Variants in BRD4 observed in about 807,000 individuals in gnomAD.
BRD4 encodes the protein bromodomain-containing protein 4.
Under a neutral mutation model 142.1 loss-of-function variants are expected in BRD4, and 16 were observed. The observed-to-expected ratio is 0.11, with a 90% CI of 0.08 to 0.17. The LOEUF is 0.17. Ranked by LOEUF, BRD4 falls within the 10% of genes least tolerant of loss-of-function variation. The pLI, the probability that BRD4 is intolerant of heterozygous loss-of-function variation, is 1.00. For missense variants in BRD4, 1,424 were observed against 1,810.9 expected (o/e 0.79, Z 3.88); for synonymous variants, 833 against 707.5 (o/e 1.18, Z -2.82).
intron 1 of BRD4, among the ~76,000 whole-genome samples, chr19:15,310,300 G>A (rs1255939699): frequency 1.8e-5 from 2 of 108,914 alleles, no homozygotes; most frequent in African/African-American, 3.6e-5. Context: ...TGCAACCTCC[G>A]CCTCCTGGGT....
At chr19:15,292,787 AAAAAAAAAAAAAAAAAAAAAAAAAAAAAG>A (rs2047793045) in intron 1 of BRD4, among the ~76,000 whole-genome samples, 1 of 22,270 alleles carries the variant, frequency 4.5e-5, no homozygotes, top group Admixed American at 5.1e-4. Context: ...CAAAAAAAAA[AAAAAAAAAAAAAAAAAAAAAAAAAAAAAG>A]AAAGAAAGAA....
intron 1 of BRD4, among the ~76,000 whole-genome samples, chr19:15,314,136 C>T (rs773727808): frequency 6.6e-6 from 1 of 152,186 alleles, no homozygotes; most frequent in Non-Finnish European, 1.5e-5. Context: ...CTTGAACTTT[C>T]GTTCGCACTT....
chr19:15,307,514 A>G (rs1030297388), intron 1 of BRD4, among the ~76,000 whole-genome samples: 6 of 152,200 alleles, frequency 3.9e-5, no homozygotes, highest in African/African-American at 1.2e-4. Flanking sequence ...TTCCATTTTC[A>G]GCAAGTTCTA....
rs2047608301 is a variant in BRD4, at chr19:15,273,148, A to C, written c.-34-15T>G. 1.3e-6 allele frequency: 2 copies of C among 1,535,764 alleles called. No homozygotes were observed. The highest frequency in any genetic ancestry group is 1.4e-5 in the African/African-American group (1 of 72,582). ...CACCAGGCACTCTACAAAGGAAGAG[A>C]AGAGCCCCCGTGAGATATCAGTCAG... is the stretch of plus-strand genomic sequence containing the variant. On this transcript the variant is annotated splice_polypyrimidine_tract_variant and intron_variant, in intron 1 of 19. Coordinates refer to ENST00000679869, the MANE Select transcript of BRD4 (RefSeq NM_001379291.1).
At chr19:15,240,567 A>G (rs1047826548) in intron 14 of BRD4, among the ~76,000 whole-genome samples, 3 of 152,156 alleles carry the variant, frequency 2.0e-5, no homozygotes, top group Non-Finnish European at 4.4e-5. Context: ...CACGGAAGAG[A>G]GAAGCCTGGA....
chr19:15,277,208 T>G (rs1257480479), intron 1 of BRD4, among the ~76,000 whole-genome samples: 1 of 152,202 alleles, frequency 6.6e-6, no homozygotes, highest in Admixed American at 6.5e-5. Context: ...TTGTTTCCAA[T>G]CCAAAGGCGG....
At chr19:15,323,293 C>G (rs1348230063) in intron 1 of BRD4, among the ~76,000 whole-genome samples, 1 of 150,068 alleles carries the variant, frequency 6.7e-6, no homozygotes, top group Non-Finnish European at 1.5e-5. Flanking sequence ...AAAACTGAGG[C>G]TAGAGTGGTT....
chr19:15,324,414 T>C (rs1426156689), intron 1 of BRD4, among the ~76,000 whole-genome samples: 1 of 152,234 alleles, frequency 6.6e-6, no homozygotes, highest in Non-Finnish European at 1.5e-5. Context: ...GCCTAGTAAG[T>C]AACTGGACTT....
In BRD4 at chr19:15,249,136, C is replaced by A. The variant is rs189968090; in HGVS notation, c.2159-4374G>T. The A allele has an allele frequency of 3.5e-6, 5 of 1,411,308 alleles. No individual in the cohort carries two copies. In the African/African-American group the frequency reaches 5.7e-5, roughly 16 times the overall value. The allele number at this position is 1,411,308 out of a possible 1,614,324, so 87.4% of individuals were successfully genotyped here. ...GCTGCTGGACATGACTAATCCACCC[C>A]GGGGGACAGGCCCAGGGCTCTGAGG... On this transcript the variant is annotated intron_variant, in intron 11 of 19. Coordinates refer to ENST00000679869, the MANE Select transcript of BRD4 (RefSeq NM_001379291.1).
intron 7 of BRD4, among the ~76,000 whole-genome samples, chr19:15,260,798 CA>C (rs34986127): frequency 0.27 from 20,863 of 77,796 alleles, 1,332 homozygotes; most frequent in South Asian, 0.35. Flanking sequence ...GAGAAAAATG[CA>C]AAAAAAAAAA....
intron 1 of BRD4, among the ~76,000 whole-genome samples, chr19:15,326,646 CA>C: frequency 6.6e-6 from 1 of 152,032 alleles, no homozygotes; most frequent in East Asian, 1.9e-4. Flanking sequence ...TTAAAATGAC[CA>C]TGCACTACTT....
chr19:15,263,646 G>A (rs895032654), intron 6 of BRD4, 98 bp from the exon 7 acceptor site: 13 of 1,501,806 alleles, frequency 8.7e-6, no homozygotes, highest in Non-Finnish European at 1.1e-5. Flanking sequence ...AGAGCAAGTT[G>A]GTTTCTTGGC....
At chr19:15,296,925 C>A (rs1157390988) in intron 1 of BRD4, among the ~76,000 whole-genome samples, 1 of 105,094 alleles carries the variant, frequency 9.5e-6, no homozygotes, top group Non-Finnish European at 2.2e-5. Context: ...ACGGCAGAAG[C>A]CCCCCCCACC....
At chr19:15,293,841 A>AT (rs987908942) in intron 1 of BRD4, among the ~76,000 whole-genome samples, 32 of 152,296 alleles carry the variant, frequency 2.1e-4, no homozygotes, top group Admixed American at 3.9e-4. Context: ...GGTAACCACT[A>AT]TTTTTTGTGT....
intron 1 of BRD4, among the ~76,000 whole-genome samples, chr19:15,326,504 A>C (rs1019833253): frequency 6.6e-5 from 10 of 152,154 alleles, no homozygotes; most frequent in African/African-American, 2.4e-4. Context: ...TAAAAATTAA[A>C]ATTAAAAACA....
intron 1 of BRD4, among the ~76,000 whole-genome samples, chr19:15,317,525 G>A (rs2048027179): frequency 6.6e-6 from 1 of 152,182 alleles, no homozygotes. Context: ...CCTATTCATA[G>A]GCAGCTATTT....
intron 7 of BRD4, among the ~76,000 whole-genome samples, chr19:15,262,615 C>T (rs2047485529): frequency 6.6e-6 from 1 of 151,170 alleles, no homozygotes; most frequent in Non-Finnish European, 1.5e-5. Flanking sequence ...CCTAGATACT[C>T]GGGAGGCTGA....
chr19:15,267,859 G>A (rs1207199659), intron 3 of BRD4, among the ~76,000 whole-genome samples: 1 of 152,128 alleles, frequency 6.6e-6, no homozygotes, highest in Non-Finnish European at 1.5e-5. Context: ...CACTGAAAGG[G>A]GCCCTCCTTT....
chr19:15,296,472 ATG>A (rs762326392), intron 1 of BRD4, among the ~76,000 whole-genome samples: 98 of 152,270 alleles, frequency 6.4e-4, no homozygotes, highest in Admixed American at 2.2e-3. Context: ...ACAGGCCTCA[ATG>A]TGTGTTTGAA....
Sources: gnomAD v4.1 joint callset for allele counts (sites outside exome capture counted in the v4.1 genomes callset) on GRCh38, gnomAD v4.1.1 for gene constraint, MANE v1.5 for transcripts, NCBI Gene and HGNC (gene_info 2026-07-23, HGNC 2026-07-21) for gene names.